The following ZNF385D variants were observed in gnomAD, a reference collection of about 807,000 sequenced individuals.
The protein encoded by ZNF385D is zinc finger protein 385D, also known as zinc finger protein 659.
ZNF385D carries 15 observed loss-of-function variants against 35.8 expected under a neutral mutation model. The observed-to-expected ratio is 0.42, with a 90% CI of 0.28 to 0.64. The LOEUF is 0.64. Ranked by LOEUF, ZNF385D falls within the 30% of genes least tolerant of loss-of-function variation. The pLI, the probability that ZNF385D is intolerant of heterozygous loss-of-function variation, is 0.23. For missense variants in ZNF385D, 474 were observed against 494.6 expected (o/e 0.96, Z 0.39); for synonymous variants, 212 against 186.8 (o/e 1.13, Z -1.10).
At chr3:22,090,937 C>T (rs1433406038) in intron 3 of ZNF385D, among the ~76,000 whole-genome samples, 1 of 152,072 alleles carries the variant, frequency 6.6e-6, no homozygotes, top group East Asian at 1.9e-4. Flanking sequence ...ACAGCATGCT[C>T]AGGAGGAACA....
chr3:21,983,486 A>T (rs1459388673), intron 3 of ZNF385D, among the ~76,000 whole-genome samples: 1 of 128,180 alleles, frequency 7.8e-6, no homozygotes, highest in East Asian at 2.2e-4. Flanking sequence ...CCTACAAAGG[A>T]CATGAACTCA....
intron 2 of ZNF385D, among the ~76,000 whole-genome samples, chr3:22,208,706 A>G (rs560848071): frequency 1.7e-5 from 2 of 119,768 alleles, no homozygotes; most frequent in East Asian, 4.0e-4. Flanking sequence ...GTACCCACAA[A>G]AAGTAAAAAT....
chr3:22,034,646 C>G (rs559184682), intron 3 of ZNF385D, among the ~76,000 whole-genome samples: 2 of 152,206 alleles, frequency 1.3e-5, no homozygotes, highest in East Asian at 3.9e-4. Flanking sequence ...CAGATAACCT[C>G]ATAATTGGTA....
At chr3:21,566,996 A>G (rs2063171607) in intron 2 of ZNF385D, among the ~76,000 whole-genome samples, 2 of 152,184 alleles carry the variant, frequency 1.3e-5, no homozygotes, top group Non-Finnish European at 2.9e-5. Flanking sequence ...AATGGTGCTC[A>G]GATTCATCCA....
At chr3:21,930,692 T>C (rs962049705) in intron 3 of ZNF385D, among the ~76,000 whole-genome samples, 15 of 152,172 alleles carry the variant, frequency 9.9e-5, no homozygotes, top group African/African-American at 2.4e-4. Context: ...AACTGATTTT[T>C]GACAATGAAG....
intron 4 of ZNF385D, among the ~76,000 whole-genome samples, chr3:21,491,289 T>A (rs1021139092): frequency 3.3e-5 from 5 of 151,728 alleles, no homozygotes; most frequent in Admixed American, 1.3e-4. Flanking sequence ...ACCATTTAAT[T>A]TTCTTCATCT....
chr3:21,970,856 G>C (rs377575496), intron 3 of ZNF385D, among the ~76,000 whole-genome samples: 1 of 152,028 alleles, frequency 6.6e-6, no homozygotes, highest in African/African-American at 2.4e-5. Context: ...GCTTCAATAA[G>C]TCTGGCAGCA....
chr3:22,353,237 A>G (rs755101982), intron 2 of ZNF385D, among the ~76,000 whole-genome samples: 1 of 152,006 alleles, frequency 6.6e-6, no homozygotes, highest in Non-Finnish European at 1.5e-5. Context: ...CCCTATTAGA[A>G]AAATGGGGCC....
At chr3:22,304,443 T>C (rs1008124772) in intron 2 of ZNF385D, among the ~76,000 whole-genome samples, 1 of 152,174 alleles carries the variant, frequency 6.6e-6, no homozygotes, top group African/African-American at 2.4e-5. Context: ...TGTGTGAAAA[T>C]TGTAAGGTAT....
intron 3 of ZNF385D, among the ~76,000 whole-genome samples, chr3:21,993,957 G>A (rs943460022): frequency 1.3e-5 from 2 of 152,064 alleles, no homozygotes; most frequent in Admixed American, 6.6e-5. Flanking sequence ...GGATTTTAAG[G>A]TGCCCAACTG....
Position 21,718,999 on chromosome 3 carries a change from A to C in ZNF385D, c.22+31896T>G, listed in dbSNP as rs545933117. 8.5e-5 allele frequency among the ~76,000 whole-genome samples: 13 copies of C among 152,338 alleles called. No individual in the cohort carries two copies. The East Asian group carries it at 1.7e-3, about 20-fold the overall frequency. On this transcript the variant is annotated intron_variant, in intron 1 of 7. Transcript: ENST00000281523. ...AACTTCTAAAATTTTAAGCGGCTACAAATTAGTCTGATACAGTGCCCAAGA... is the reference window on the plus strand; with the variant it reads ...AACTTCTAAAATTTTAAGCGGCTACCAATTAGTCTGATACAGTGCCCAAGA...
At chr3:22,087,759 T>C (rs1467307307) in intron 3 of ZNF385D, among the ~76,000 whole-genome samples, 1 of 152,152 alleles carries the variant, frequency 6.6e-6, no homozygotes, top group African/African-American at 2.4e-5. Flanking sequence ...ATAGGTGAGT[T>C]AGAAATTAGT....
Position 21,418,176 on chromosome 3 carries a change from T to C in ZNF385D, c.*3038A>G, listed in dbSNP as rs1260887110. 3.3e-5 allele frequency: 5 copies of C among 152,118 alleles called. No homozygotes were observed. The highest frequency in any genetic ancestry group is 1.2e-4 in the African/African-American group (5 of 41,454). 9.4% of individuals were successfully genotyped at this position (152,118 alleles called of 1,614,324 possible). ...TGTTTCAAATGAATCAGAGCTGCTTTCTCTATCACTTTCCTTGCCATGGTG... is the reference window on the plus strand; with the variant it reads ...TGTTTCAAATGAATCAGAGCTGCTTCCTCTATCACTTTCCTTGCCATGGTG... On this transcript the variant is annotated 3_prime_UTR_variant, in exon 8 of 8. Coordinates refer to ENST00000281523, the MANE Select transcript of ZNF385D (RefSeq NM_024697.3).
chr3:22,327,226 C>T (rs1485329773), intron 2 of ZNF385D, among the ~76,000 whole-genome samples: 1 of 151,958 alleles, frequency 6.6e-6, no homozygotes, highest in East Asian at 1.9e-4. Flanking sequence ...AAACTGGTAG[C>T]CAGGAACATT....
intron 3 of ZNF385D, among the ~76,000 whole-genome samples, chr3:21,892,464 A>G (rs1698918503): frequency 6.6e-6 from 1 of 152,144 alleles, no homozygotes; most frequent in Non-Finnish European, 1.5e-5. Context: ...CTCCAAATAG[A>G]CTTGTTTGTG....
chr3:22,092,939 G>C (rs950094782), intron 3 of ZNF385D, among the ~76,000 whole-genome samples: 3 of 152,034 alleles, frequency 2.0e-5, no homozygotes, highest in Non-Finnish European at 2.9e-5. Flanking sequence ...AAGCAAATTA[G>C]ATATAATATT....
At chr3:21,502,306 C>T (rs1201313004) in intron 4 of ZNF385D, among the ~76,000 whole-genome samples, 3 of 152,068 alleles carry the variant, frequency 2.0e-5, no homozygotes, top group Admixed American at 6.6e-5. Context: ...ATTTATTTTC[C>T]CTCCAACATC....
chr3:22,121,289 T>TACC (rs1194783113), intron 3 of ZNF385D, among the ~76,000 whole-genome samples: 1 of 152,180 alleles, frequency 6.6e-6, no homozygotes, highest in Non-Finnish European at 1.5e-5. Context: ...TGCAAGCGCT[T>TACC]ACAGCAGGGA....
At chr3:21,883,464 A>G (rs1457877031) in intron 3 of ZNF385D, among the ~76,000 whole-genome samples, 2 of 152,008 alleles carry the variant, frequency 1.3e-5, no homozygotes, top group African/African-American at 2.4e-5. Context: ...ATTTTGCCTG[A>G]TCATGAGGGT....
Sources: gnomAD v4.1 joint callset for allele counts (sites outside exome capture counted in the v4.1 genomes callset) on GRCh38, gnomAD v4.1.1 for gene constraint, MANE v1.5 for transcripts, NCBI Gene and HGNC (gene_info 2026-07-23, HGNC 2026-07-21) for gene names.